The following HPSE2 variants were observed in gnomAD, a reference collection of about 807,000 sequenced individuals.
The protein encoded by HPSE2 is inactive heparanase-2.
A neutral mutation model predicts 60.5 loss-of-function variants in HPSE2; 38 were observed. That is an observed-to-expected ratio of 0.63 (90% CI 0.48 to 0.82). The LOEUF (loss-of-function observed/expected upper bound fraction) is 0.82. HPSE2 is among the 40% of genes least tolerant of loss of function. The pLI, the probability that HPSE2 is intolerant of heterozygous loss-of-function variation, is 0.00. For synonymous variants in HPSE2, 295 were observed against 293.2 expected (o/e 1.01, Z -0.06); for missense variants, 713 against 740.4 (o/e 0.96, Z 0.43).
At chr10:99,066,465 C>T (rs759020823) in intron 3 of HPSE2, among the ~76,000 whole-genome samples, 4 of 152,052 alleles carry the variant, frequency 2.6e-5, no homozygotes, top group African/African-American at 4.8e-5. Context: ...AAAACATATC[C>T]GAGACTGGGT....
chr10:98,586,865 C>T (rs1196786536), intron 9 of HPSE2, among the ~76,000 whole-genome samples: 1 of 152,152 alleles, frequency 6.6e-6, no homozygotes, highest in Admixed American at 6.5e-5. Context: ...AACATTGGCG[C>T]AGAGGAATAA....
At chr10:98,999,912 T>C (rs1470972634) in intron 3 of HPSE2, among the ~76,000 whole-genome samples, 1 of 152,156 alleles carries the variant, frequency 6.6e-6, no homozygotes. Context: ...TTAAGAAATA[T>C]CATCTTAAAA....
chr10:98,722,722 C>T (rs1226272793), intron 4 of HPSE2, among the ~76,000 whole-genome samples: 1 of 152,104 alleles, frequency 6.6e-6, no homozygotes, highest in Admixed American at 6.6e-5. Flanking sequence ...CGAGCAGCTC[C>T]ACAGCTGGAG....
In HPSE2 at chr10:98,591,364, T is replaced by C. The variant is rs111935644; in HGVS notation, c.1320+23540A>G. ...CAATTAATTGGCATCCAGAGACATG[T>C]ATAAGATCAGGATATTGGCCAGGCA... is the stretch of plus-strand genomic sequence containing the variant. On this transcript the variant is annotated intron_variant, in intron 9 of 11. Coordinates refer to ENST00000370552, the MANE Select transcript of HPSE2 (RefSeq NM_021828.5). 4.3e-3 allele frequency among the ~76,000 whole-genome samples: 652 copies of C among 152,264 alleles called. 3 individuals carry two copies. Among genetic ancestry groups the C allele is most frequent in the African/African-American group, 0.015 (628 of 41,540 alleles).
At position 99,194,526 on chromosome 10, in the gene HPSE2, TA is replaced by T. The variant is rs200563458; in HGVS notation, c.448+37821del. 3.0e-4 allele frequency among the ~76,000 whole-genome samples: 44 copies of T among 145,044 alleles called. 1 individual carries two copies. The highest frequency in any genetic ancestry group is 1.0e-3 in the East Asian group (5 of 4,992). On this transcript the variant is annotated intron_variant, in intron 2 of 11. Coordinates refer to ENST00000370552, the MANE Select transcript of HPSE2 (RefSeq NM_021828.5). Reference sequence around the variant, plus strand: ...AACAAAATCAAATCTTTAGCCAGATTAAAAAAAAAACCCAAATAAATACAAT... The same window carrying T: ...AACAAAATCAAATCTTTAGCCAGATTAAAAAAAAACCCAAATAAATACAAT...
At chr10:99,217,178 A>G (rs946469343) in intron 2 of HPSE2, among the ~76,000 whole-genome samples, 2 of 150,846 alleles carry the variant, frequency 1.3e-5, no homozygotes, top group African/African-American at 2.4e-5. Flanking sequence ...TCTTGCTACC[A>G]TAAGTAGTAA....
chr10:99,047,983 T>C (rs1957896772), intron 3 of HPSE2: 1 of 709,638 alleles, frequency 1.4e-6, no homozygotes, highest in Admixed American at 2.0e-5. Flanking sequence ...TTTGCCTTCA[T>C]CAAGTCTTCA....
At chr10:98,980,717 C>A (rs886812305) in intron 3 of HPSE2, among the ~76,000 whole-genome samples, 4 of 152,078 alleles carry the variant, frequency 2.6e-5, no homozygotes, top group Non-Finnish European at 5.9e-5. Context: ...GGTTTGTCCA[C>A]GAAGACTCAA....
At chr10:98,545,849 G>A (rs1943653978) in intron 9 of HPSE2, among the ~76,000 whole-genome samples, 1 of 151,546 alleles carries the variant, frequency 6.6e-6, no homozygotes, top group Non-Finnish European at 1.5e-5. Flanking sequence ...ATTAGGAAAA[G>A]AGGAAGTCAA....
In HPSE2 at chr10:98,845,704, T is replaced by TA. The variant is rs1367856055; in HGVS notation, c.611-101649_611-101648insT. Among the ~76,000 whole-genome samples the TA allele has an allele frequency of 9.2e-5, 14 of 152,330 alleles. No homozygotes were observed. The East Asian group carries it at 2.7e-3, about 29-fold the overall frequency. ...ACTTTCCAGTCACACCTGGTGTGTG[T>TA]CTCTGATGTGGCTGGGAGCAGGCTG... On this transcript the variant is annotated intron_variant, in intron 3 of 11. Coordinates refer to ENST00000370552, the MANE Select transcript of HPSE2 (RefSeq NM_021828.5).
At chr10:98,473,121 T>A (rs1296044314) in intron 11 of HPSE2, among the ~76,000 whole-genome samples, 1 of 152,136 alleles carries the variant, frequency 6.6e-6, no homozygotes, top group Non-Finnish European at 1.5e-5. Flanking sequence ...TGAGGTGAAT[T>A]GTAATAACAA....
rs776715830 is a variant in HPSE2, at chr10:98,743,864, A to T, written c.784+19T>A. ...CCCCTTTATTTTGTCAATTCAGAGG[A>T]AGTAACATCCTTACTTACCATTACC... On this transcript the variant is annotated intron_variant, in intron 4 of 11. Transcript: ENST00000370552. The T allele has an allele frequency of 7.5e-5, 120 of 1,607,700 alleles. No individual in the cohort carries two copies. The highest frequency in any genetic ancestry group is 1.0e-4 in the Non-Finnish European group (120 of 1,174,222).
intron 3 of HPSE2, among the ~76,000 whole-genome samples, chr10:99,021,859 C>T (rs978500027): frequency 4.0e-5 from 6 of 150,756 alleles, no homozygotes; most frequent in African/African-American, 1.5e-4. Context: ...TCATGAGAAC[C>T]AAAAATCAGG....
At chr10:98,742,176 T>A (rs1405801605) in intron 4 of HPSE2, among the ~76,000 whole-genome samples, 1 of 152,140 alleles carries the variant, frequency 6.6e-6, no homozygotes, top group African/African-American at 2.4e-5. Flanking sequence ...AGTCATGGTA[T>A]CCTGAGTTTA....
chr10:98,778,297 A>AGAGAGAGAGAGAGAGAGAGAGC (rs1950390702), intron 3 of HPSE2, among the ~76,000 whole-genome samples: 1 of 150,748 alleles, frequency 6.6e-6, no homozygotes, highest in African/African-American at 2.4e-5. Context: ...AGAGAGAGAG[A>AGAGAGAGAGAGAGAGAGAGAGC]AAGCAAGAAA....
chr10:98,734,921 A>T (rs1223037997), intron 4 of HPSE2, among the ~76,000 whole-genome samples: 1 of 151,486 alleles, frequency 6.6e-6, no homozygotes, highest in Non-Finnish European at 1.5e-5. Context: ...AAACACACAC[A>T]AACACACACA....
At chr10:98,910,772 T>G (rs1275831068) in intron 3 of HPSE2, among the ~76,000 whole-genome samples, 2 of 152,132 alleles carry the variant, frequency 1.3e-5, no homozygotes, top group Non-Finnish European at 2.9e-5. Flanking sequence ...GCTGATCATA[T>G]CCAGTTGTTT....
chr10:98,875,544 C>G (rs1164984661), intron 3 of HPSE2, among the ~76,000 whole-genome samples: 3 of 151,256 alleles, frequency 2.0e-5, no homozygotes, highest in Non-Finnish European at 4.4e-5. Flanking sequence ...AATAGCCTAC[C>G]AACCAAAAAA....
intron 3 of HPSE2, among the ~76,000 whole-genome samples, chr10:98,883,095 G>A (rs1366146676): frequency 6.6e-6 from 1 of 152,074 alleles, no homozygotes; most frequent in African/African-American, 2.4e-5. Flanking sequence ...TAGCTCTGAA[G>A]GGCTATCATA....
Sources: allele counts gnomAD v4.1 joint callset (sites outside exome capture counted in the v4.1 genomes callset), GRCh38; gene constraint gnomAD v4.1.1; transcripts MANE v1.5; gene names NCBI Gene and HGNC (gene_info 2026-07-23, HGNC 2026-07-21).